The following MAGI2 variants were observed in gnomAD, a reference collection of about 807,000 sequenced individuals.
The protein encoded by MAGI2 is membrane associated guanylate kinase, WW and PDZ domain containing 2, also known as membrane-associated guanylate kinase, WW and PDZ domain-containing protein 2.
A neutral mutation model predicts 133.3 loss-of-function variants in MAGI2; 35 were observed. The observed-to-expected ratio is 0.26, with a 90% confidence interval of 0.20 to 0.35. The LOEUF is 0.35. Ranked by LOEUF, MAGI2 falls within the 10% of genes least tolerant of loss-of-function variation. MAGI2 has a pLI of 1.00. For synonymous variants in MAGI2, 729 were observed against 710.6 expected (o/e 1.03, Z -0.41); for missense variants, 1,636 against 1,863.4 (o/e 0.88, Z 2.25).
chr7:78,492,284 T>C (rs1793695050), intron 5 of MAGI2, among the ~76,000 whole-genome samples: 1 of 152,120 alleles, frequency 6.6e-6, no homozygotes, highest in African/African-American at 2.4e-5. Flanking sequence ...TGTGTCACTT[T>C]AATACATTTT....
chr7:78,304,754 T>G (rs185461553), intron 9 of MAGI2, among the ~76,000 whole-genome samples: 170 of 152,024 alleles, frequency 1.1e-3, no homozygotes, highest in African/African-American at 3.9e-3. Flanking sequence ...GGGGGAAGAG[T>G]AGTGGTTGCT....
chr7:79,086,193 T>C (rs570579868), intron 1 of MAGI2, among the ~76,000 whole-genome samples: 2 of 151,994 alleles, frequency 1.3e-5, no homozygotes, highest in South Asian at 4.1e-4. Context: ...CAAATTTCCC[T>C]AAGGATGGGA....
intron 1 of MAGI2, among the ~76,000 whole-genome samples, chr7:79,089,945 A>G (rs1448654602): frequency 6.6e-6 from 1 of 152,078 alleles, no homozygotes; most frequent in African/African-American, 2.4e-5. Flanking sequence ...ATACCTATGT[A>G]AGGTATACCT....
intron 1 of MAGI2, among the ~76,000 whole-genome samples, chr7:79,162,313 G>A (rs1824447994): frequency 6.6e-6 from 1 of 151,978 alleles, no homozygotes; most frequent in African/African-American, 2.4e-5. Context: ...CCAAAATCAT[G>A]GTGTTCTGAA....
intron 2 of MAGI2, among the ~76,000 whole-genome samples, chr7:78,904,472 C>G (rs1797847555): frequency 6.6e-6 from 1 of 151,534 alleles, no homozygotes; most frequent in Non-Finnish European, 1.5e-5. Context: ...ATACAGTTCT[C>G]TATAACTTGT....
intron 1 of MAGI2, among the ~76,000 whole-genome samples, chr7:79,385,010 T>G (rs1364682524): frequency 6.6e-6 from 1 of 151,712 alleles, no homozygotes; most frequent in East Asian, 1.9e-4. Flanking sequence ...TGAAAAATAT[T>G]CCATGGAAGG....
intron 9 of MAGI2, among the ~76,000 whole-genome samples, chr7:78,330,959 A>C (rs1162851084): frequency 6.6e-6 from 1 of 152,216 alleles, no homozygotes; most frequent in Non-Finnish European, 1.5e-5. Flanking sequence ...TATGGTGCGT[A>C]TACACGTGCA....
At chr7:79,265,032 T>G (rs1273510376) in intron 1 of MAGI2, among the ~76,000 whole-genome samples, 3 of 152,174 alleles carry the variant, frequency 2.0e-5, no homozygotes, top group Non-Finnish European at 4.4e-5. Context: ...CCTCCAACAT[T>G]GGGGATCAAA....
At chr7:78,920,272 C>T (rs1227082746) in intron 2 of MAGI2, among the ~76,000 whole-genome samples, 3 of 151,930 alleles carry the variant, frequency 2.0e-5, no homozygotes, top group Admixed American at 2.0e-4. Flanking sequence ...CCTCTGTACA[C>T]CAGCTGTAAA....
At chr7:78,863,491 C>T (rs1011411298) in intron 2 of MAGI2, among the ~76,000 whole-genome samples, 8 of 152,180 alleles carry the variant, frequency 5.3e-5, no homozygotes, top group Non-Finnish European at 8.8e-5. Context: ...GGGAACTAAT[C>T]AAGTGAGCAC....
chr7:78,052,939 A>G (rs1445338234), intron 21 of MAGI2, among the ~76,000 whole-genome samples: 1 of 152,216 alleles, frequency 6.6e-6, no homozygotes, highest in Non-Finnish European at 1.5e-5. Context: ...TGCTTAAATG[A>G]TAAATGTATA....
At chr7:78,859,230 C>T (rs902063471) in intron 2 of MAGI2, among the ~76,000 whole-genome samples, 3 of 152,106 alleles carry the variant, frequency 2.0e-5, no homozygotes, top group Non-Finnish European at 4.4e-5. Context: ...GAGCATTTAG[C>T]CCATTTACAT....
At chr7:79,246,797 G>T (rs1386362349) in intron 1 of MAGI2, among the ~76,000 whole-genome samples, 1 of 152,064 alleles carries the variant, frequency 6.6e-6, no homozygotes, top group African/African-American at 2.4e-5. Flanking sequence ...TTAAGTACAA[G>T]AAAGTTATAG....
intron 1 of MAGI2, among the ~76,000 whole-genome samples, chr7:79,269,193 T>A (rs1010737033): frequency 7.2e-5 from 11 of 152,148 alleles, no homozygotes; most frequent in African/African-American, 2.4e-4. Context: ...TTAATTGAAG[T>A]CCTACCAAGA....
At chr7:78,957,410 G>A (rs180929051) in intron 2 of MAGI2, among the ~76,000 whole-genome samples, 64 of 151,646 alleles carry the variant, frequency 4.2e-4, no homozygotes, top group African/African-American at 1.5e-3. Context: ...TAAAACTATA[G>A]TATAATTTGC....
chr7:78,754,168 G>A (rs749163404), intron 2 of MAGI2, among the ~76,000 whole-genome samples: 4 of 151,966 alleles, frequency 2.6e-5, no homozygotes, highest in Admixed American at 6.6e-5. Context: ...CTTGAGCCCA[G>A]GAGTTCGGGA....
chr7:78,213,267 A>G (rs573578932), intron 10 of MAGI2, among the ~76,000 whole-genome samples: 40 of 152,314 alleles, frequency 2.6e-4, no homozygotes, highest in African/African-American at 8.7e-4. Context: ...GGAATCTCAG[A>G]CCTAAGATTT....
At chr7:78,785,214 G>C (rs181862749) in intron 2 of MAGI2, among the ~76,000 whole-genome samples, 1 of 152,074 alleles carries the variant, frequency 6.6e-6, no homozygotes, top group Non-Finnish European at 1.5e-5. Flanking sequence ...ATTTTAAAAT[G>C]GGAGAAAAAT....
At chr7:78,393,840 A>G (rs1333979444) in intron 6 of MAGI2, among the ~76,000 whole-genome samples, 2 of 152,246 alleles carry the variant, frequency 1.3e-5, no homozygotes, top group Non-Finnish European at 2.9e-5. Context: ...CAGATTTGTA[A>G]CAAAGTGCTT....
Sources: gnomAD v4.1 joint callset for allele counts (sites outside exome capture counted in the v4.1 genomes callset) on GRCh38, gnomAD v4.1.1 for gene constraint, MANE v1.5 for transcripts, NCBI Gene and HGNC (gene_info 2026-07-23, HGNC 2026-07-21) for gene names.